SIPA1L3: variants seen among roughly 807,000 people sequenced by gnomAD.
SIPA1L3 encodes signal induced proliferation associated 1 like 3.
Under a neutral mutation model 150.1 loss-of-function variants are expected in SIPA1L3, and 59 were observed. That is an observed-to-expected ratio of 0.39 (90% CI 0.32 to 0.49). SIPA1L3 has a LOEUF of 0.49. Among genes scored for constraint, SIPA1L3 ranks in the 20% least tolerant of loss-of-function variants. The probability of loss-of-function intolerance (pLI) is 0.86; values close to 1 mark genes in which losing one functional copy is unlikely to be tolerated. For missense variants in SIPA1L3, 2,211 were observed against 2,489.5 expected, an observed-to-expected ratio of 0.89 and a Z score of 2.38; for synonymous variants, 1,070 against 1,077.6, an observed-to-expected ratio of 0.99 and a Z score of 0.14.
chr19:37,985,284 C>T (rs1195854124), intron 1 of SIPA1L3, among the ~76,000 whole-genome samples: 2 of 151,450 alleles, frequency 1.3e-5, no homozygotes, highest in Non-Finnish European at 2.9e-5. Flanking sequence ...GCAGCCTCAA[C>T]CTCTCTAGCT....
intron 17 of SIPA1L3, among the ~76,000 whole-genome samples, chr19:38,192,567 G>C (rs1055231799): frequency 2.0e-5 from 3 of 152,134 alleles, no homozygotes; most frequent in Admixed American, 2.0e-4. Context: ...CGAGAACCTC[G>C]CACAACTGGA....
chr19:38,164,154 C>T lies in SIPA1L3; in HGVS notation c.3781-325C>T, dbSNP rs2145983871. Among the ~76,000 whole-genome samples, 1 of 152,278 alleles carries T rather than the reference C, an allele frequency of 6.6e-6. No homozygotes were observed. The highest frequency in any genetic ancestry group is 1.9e-4 in the East Asian group (1 of 5,188). On this transcript the variant is annotated intron_variant, in intron 14 of 21. Transcript: ENST00000222345. The surrounding 1 kb of genome is among the most constrained non-coding windows in gnomAD (Gnocchi z 4.1). ...GGGCAGCTGAAAGCATGGCCGGCGT[C>T]ATTGAGATGAGGAAGACGCTGCCGA...
chr19:38,192,693 G>A (rs1972831058), intron 17 of SIPA1L3, among the ~76,000 whole-genome samples: 1 of 152,132 alleles, frequency 6.6e-6, no homozygotes. Flanking sequence ...TGTTACTCAG[G>A]GACACGGGTG....
At chr19:37,980,646 T>C (rs1244791941) in intron 1 of SIPA1L3, among the ~76,000 whole-genome samples, 1 of 150,828 alleles carries the variant, frequency 6.6e-6, no homozygotes, top group East Asian at 2.0e-4. Context: ...GCATGAAGGT[T>C]CAGCAAGGCC....
chr19:37,943,955 C>T (rs773078083), intron 1 of SIPA1L3, among the ~76,000 whole-genome samples: 2 of 152,098 alleles, frequency 1.3e-5, no homozygotes, highest in African/African-American at 2.4e-5. Flanking sequence ...AGAAGCCACA[C>T]GCTGGCTGTA....
chr19:37,977,312 G>A (rs377575196), intron 1 of SIPA1L3, among the ~76,000 whole-genome samples: 61 of 151,836 alleles, frequency 4.0e-4, no homozygotes, highest in Admixed American at 2.8e-3. Flanking sequence ...CTACAGGCAC[G>A]CACCACCATG....
At chr19:37,940,490 T>A (rs928491335) in intron 1 of SIPA1L3, among the ~76,000 whole-genome samples, 1 of 152,170 alleles carries the variant, frequency 6.6e-6, no homozygotes, top group African/African-American at 2.4e-5. Context: ...CATTAATTGC[T>A]TACATCATCT....
chr19:38,066,863 G>C (rs999574148), intron 2 of SIPA1L3, among the ~76,000 whole-genome samples: 2 of 151,930 alleles, frequency 1.3e-5, no homozygotes, highest in African/African-American at 4.8e-5. Context: ...TAAATAGAAT[G>C]CACACCTAAA....
intron 15 of SIPA1L3, among the ~76,000 whole-genome samples, chr19:38,175,261 A>G (rs558831383): frequency 3.0e-4 from 45 of 152,106 alleles, no homozygotes; most frequent in Non-Finnish European, 4.7e-4. Context: ...AGTGGTCAGC[A>G]CTGTCACTGC....
chr19:38,027,248 A>G (rs1968535684), intron 1 of SIPA1L3, among the ~76,000 whole-genome samples: 1 of 152,196 alleles, frequency 6.6e-6, no homozygotes, highest in Non-Finnish European at 1.5e-5. Context: ...AGATGGCGCC[A>G]CTGTACTCCA....
At chr19:38,071,628 C>T (rs1234486347) in intron 2 of SIPA1L3, among the ~76,000 whole-genome samples, 3 of 152,166 alleles carry the variant, frequency 2.0e-5, no homozygotes, top group African/African-American at 7.2e-5. Flanking sequence ...GAGACAGGGT[C>T]TCACTGTGCA....
At chr19:38,051,075 A>G (rs1969187515) in intron 2 of SIPA1L3, among the ~76,000 whole-genome samples, 1 of 152,120 alleles carries the variant, frequency 6.6e-6, no homozygotes, top group African/African-American at 2.4e-5. Context: ...AAAAGAAAAT[A>G]TATGTAAAGT....
chr19:38,049,151 G>A (rs964806166), intron 2 of SIPA1L3, among the ~76,000 whole-genome samples: 2 of 151,898 alleles, frequency 1.3e-5, no homozygotes, highest in African/African-American at 4.8e-5. Flanking sequence ...TCTGATGGTG[G>A]GGAAAAAAAA....
chr19:38,090,330 CAAAAAA>C (rs55941671), intron 4 of SIPA1L3, among the ~76,000 whole-genome samples: 1 of 70,362 alleles, frequency 1.4e-5, no homozygotes, highest in East Asian at 4.4e-4. Flanking sequence ...AACTCCATCT[CAAAAAA>C]AAAAAAAAAA....
chr19:38,198,475 GAC>G lies in SIPA1L3; in HGVS notation c.4931_4932del (p.Thr1644SerfsTer87). On this transcript the variant is annotated frameshift_variant, in exon 19 of 22. Coordinates refer to ENST00000222345, the MANE Select transcript of SIPA1L3 (RefSeq NM_015073.3). LOFTEE classifies it high-confidence loss of function. ...RLDPGLMPLP[D>X]TAAGLEWSSL... ...GGACCCTGGGCTGATGCCCCTGCCTGACACAGCTGCTGGCCTCGAGTGGTCCA... is the reference window on the plus strand; with the variant it reads ...GGACCCTGGGCTGATGCCCCTGCCTGACAGCTGCTGGCCTCGAGTGGTCCA... The G allele has an allele frequency of 6.2e-7, 1 of 1,604,934 alleles. No homozygotes were observed. The highest frequency in any genetic ancestry group is 8.5e-7 in the Non-Finnish European group (1 of 1,176,482).
intron 1 of SIPA1L3, among the ~76,000 whole-genome samples, chr19:37,985,433 C>T (rs959203966): frequency 1.1e-4 from 16 of 151,948 alleles, no homozygotes; most frequent in African/African-American, 3.9e-4. Flanking sequence ...GAGGCTGAGA[C>T]AGGAGGATCA....
chr19:38,067,512 C>T (rs1969622728), intron 2 of SIPA1L3, among the ~76,000 whole-genome samples: 1 of 152,054 alleles, frequency 6.6e-6, no homozygotes, highest in African/African-American at 2.4e-5. Context: ...TCTGTAATCC[C>T]AGCACTTTGG....
intron 16 of SIPA1L3, among the ~76,000 whole-genome samples, chr19:38,190,537 G>A (rs1443730969): frequency 1.3e-5 from 2 of 152,118 alleles, no homozygotes; most frequent in Non-Finnish European, 1.5e-5. Context: ...AAATCCCAAG[G>A]CTGGCAGCTG....
rs145735972 is a variant in SIPA1L3, at chr19:37,965,024, A to G, written c.-379+57666A>G. ...TGTTCATTTCTCATGTAAATGCATT[A>G]GCATGAAAGTATTCTGATAGAAAAT... On this transcript the variant is annotated intron_variant, in intron 1 of 21. Transcript: ENST00000222345. 6.3e-3 allele frequency among the ~76,000 whole-genome samples: 957 copies of G among 152,338 alleles called. 7 individuals are homozygous for G. The highest frequency in any genetic ancestry group is 0.037 in the Middle Eastern group (11 of 294).
Sources: gnomAD v4.1 joint callset for allele counts (sites outside exome capture counted in the v4.1 genomes callset) on GRCh38, gnomAD v4.1.1 for gene constraint, Gnocchi (gnomAD v3.1) non-coding constraint, MANE v1.5 for transcripts, NCBI Gene and HGNC (gene_info 2026-07-23, HGNC 2026-07-21) for gene names.